Variants in PLA2G4A observed in about 807,000 individuals in gnomAD.
PLA2G4A encodes phospholipase A2 group IVA.
PLA2G4A carries 40 observed loss-of-function variants against 81.9 expected under a neutral mutation model. That is an observed-to-expected ratio of 0.49 (90% CI 0.38 to 0.64). The LOEUF (loss-of-function observed/expected upper bound fraction) is 0.64. Among genes scored for constraint, PLA2G4A ranks in the 30% least tolerant of loss-of-function variants. The pLI, the probability that PLA2G4A is intolerant of heterozygous loss-of-function variation, is 0.00. For synonymous variants in PLA2G4A, 302 were observed against 296.9 expected (o/e 1.02, Z -0.18); for missense variants, 715 against 905.1 (o/e 0.79, Z 2.69).
chr1:186,915,709 G>A (rs528434698), intron 7 of PLA2G4A, among the ~76,000 whole-genome samples: 67 of 152,176 alleles, frequency 4.4e-4, no homozygotes, highest in African/African-American at 1.6e-3. Flanking sequence ...GTGGGACTCC[G>A]GGTGGGTCCA....
intron 15 of PLA2G4A, among the ~76,000 whole-genome samples, chr1:186,972,976 T>C (rs778342175): frequency 6.6e-6 from 1 of 152,224 alleles, no homozygotes; most frequent in South Asian, 2.1e-4. Flanking sequence ...AATGCTTAGG[T>C]TGGCCCACAT....
intron 6 of PLA2G4A, among the ~76,000 whole-genome samples, chr1:186,910,051 T>C (rs1321163609): frequency 6.6e-6 from 1 of 152,178 alleles, no homozygotes; most frequent in Non-Finnish European, 1.5e-5. Flanking sequence ...AATAACAGTA[T>C]CATTTAAATT....
At chr1:186,938,507 A>C (rs1366413705) in intron 8 of PLA2G4A, among the ~76,000 whole-genome samples, 1 of 152,186 alleles carries the variant, frequency 6.6e-6, no homozygotes, top group Non-Finnish European at 1.5e-5. Flanking sequence ...CTAGTTGGCC[A>C]ATGGATAATT....
At chr1:186,838,351 A>G (rs1374958607) in intron 1 of PLA2G4A, among the ~76,000 whole-genome samples, 2 of 152,234 alleles carry the variant, frequency 1.3e-5, no homozygotes, top group Non-Finnish European at 2.9e-5. Flanking sequence ...TAACCAGTGC[A>G]CTAAGCAAAA....
chr1:186,973,203 A>C (rs905848531), intron 15 of PLA2G4A, among the ~76,000 whole-genome samples: 3 of 152,182 alleles, frequency 2.0e-5, no homozygotes, highest in African/African-American at 7.2e-5. Context: ...TAAGGCATCA[A>C]CAGGGATGTC....
intron 15 of PLA2G4A, among the ~76,000 whole-genome samples, chr1:186,966,509 T>C (rs2383556): frequency 0.053 from 8,073 of 152,206 alleles, 263 homozygotes; most frequent in Middle Eastern, 0.11. Context: ...CGAAGTTTTA[T>C]AGGAATTAGG....
At chr1:186,921,171 C>T (rs545383211) in intron 7 of PLA2G4A, among the ~76,000 whole-genome samples, 34 of 152,260 alleles carry the variant, frequency 2.2e-4, no homozygotes, top group East Asian at 5.8e-4. Flanking sequence ...GTCTCTTGTT[C>T]AGGTCCCATT....
At chr1:186,896,593 T>C (rs1475523809) in intron 5 of PLA2G4A, among the ~76,000 whole-genome samples, 2 of 152,240 alleles carry the variant, frequency 1.3e-5, no homozygotes, top group Non-Finnish European at 2.9e-5. Context: ...TAGTTCATGA[T>C]ACAAAGACTG....
At chr1:186,907,644 G>C (rs1315750377) in intron 6 of PLA2G4A, among the ~76,000 whole-genome samples, 2 of 152,164 alleles carry the variant, frequency 1.3e-5, no homozygotes, top group African/African-American at 2.4e-5. Flanking sequence ...TGTTGAACTT[G>C]ATTTGACCAA....
chr1:186,868,186 T>C (rs1571348595), intron 2 of PLA2G4A, among the ~76,000 whole-genome samples: 1 of 151,818 alleles, frequency 6.6e-6, no homozygotes, highest in East Asian at 1.9e-4. Context: ...GCAATTCTCT[T>C]GCTTCAGCCT....
At chr1:186,949,946 C>T (rs1019592823) in intron 12 of PLA2G4A, among the ~76,000 whole-genome samples, 1 of 151,956 alleles carries the variant, frequency 6.6e-6, no homozygotes, top group African/African-American at 2.4e-5. Context: ...TAAGGTGGAA[C>T]GGTTGCTTGA....
chr1:186,910,159 GTAA>G (rs1406609350), intron 6 of PLA2G4A, among the ~76,000 whole-genome samples: 2 of 152,048 alleles, frequency 1.3e-5, no homozygotes, highest in African/African-American at 4.8e-5. Flanking sequence ...ACTATTATTT[GTAA>G]TGGTCAAATA....
chr1:186,880,206 A>G (rs563358436), intron 3 of PLA2G4A, among the ~76,000 whole-genome samples: 1 of 152,158 alleles, frequency 6.6e-6, no homozygotes, highest in East Asian at 1.9e-4. Context: ...TGCCAATAAG[A>G]GAAGACTTTA....
chr1:186,835,470 A>T (rs1420955121), intron 1 of PLA2G4A, among the ~76,000 whole-genome samples: 1 of 152,194 alleles, frequency 6.6e-6, no homozygotes, highest in African/African-American at 2.4e-5. Context: ...AATCAGGGAA[A>T]AGTGTCTAAA....
chr1:186,854,271 T>G lies in PLA2G4A; in HGVS notation c.-69-15T>G. Reference sequence around the variant, plus strand: ...CCAAGAGGAAGCTTAACAATAGTGATTGTTTATTTTGTAGGTTTTAAAGAC... The same window carrying G: ...CCAAGAGGAAGCTTAACAATAGTGAGTGTTTATTTTGTAGGTTTTAAAGAC... On this transcript the variant is annotated splice_polypyrimidine_tract_variant and intron_variant, in intron 1 of 17. Coordinates refer to ENST00000367466, the MANE Select transcript of PLA2G4A (RefSeq NM_024420.3). 1 of 811,072 alleles carries G rather than the reference T, an allele frequency of 1.2e-6. No individual in the cohort carries two copies. The highest frequency in any genetic ancestry group is 1.4e-5 in the South Asian group (1 of 73,060). The allele number at this position is 811,072 out of a possible 1,614,324, so 50.2% of individuals were successfully genotyped here.
chr1:186,900,109 AGTT>A (rs374876868), intron 5 of PLA2G4A, among the ~76,000 whole-genome samples: 7 of 152,132 alleles, frequency 4.6e-5, no homozygotes, highest in African/African-American at 1.4e-4. Flanking sequence ...AGAACATCAG[AGTT>A]GTTGTTTGAG....
At chr1:186,913,787 A>T (rs1333241914) in intron 7 of PLA2G4A, among the ~76,000 whole-genome samples, 3 of 152,228 alleles carry the variant, frequency 2.0e-5, no homozygotes, top group East Asian at 1.9e-4. Flanking sequence ...GGAATTTGAG[A>T]TTATTGCAAA....
intron 7 of PLA2G4A, among the ~76,000 whole-genome samples, chr1:186,932,408 G>A (rs1428444649): frequency 6.6e-6 from 1 of 151,058 alleles, no homozygotes; most frequent in Non-Finnish European, 1.5e-5. Context: ...CAATTCTCCT[G>A]CTTCAGCCTC....
chr1:186,889,354 A>C (rs1305598694), intron 3 of PLA2G4A, among the ~76,000 whole-genome samples: 1 of 152,198 alleles, frequency 6.6e-6, no homozygotes, highest in Admixed American at 6.6e-5. Context: ...TCCACTACAG[A>C]TATGCAGACA....
Sources: gnomAD v4.1 joint callset for allele counts (sites outside exome capture counted in the v4.1 genomes callset) on GRCh38, gnomAD v4.1.1 for gene constraint, MANE v1.5 for transcripts, NCBI Gene and HGNC (gene_info 2026-07-23, HGNC 2026-07-21) for gene names.